The following ULK2 variants were observed in gnomAD, a reference collection of about 807,000 sequenced individuals.
The protein encoded by ULK2 is serine/threonine-protein kinase ULK2.
In ULK2, 76 loss-of-function variants were observed where a neutral mutation model predicts 127.5. The observed-to-expected ratio is 0.60, with a 90% CI of 0.50 to 0.72. ULK2 has a LOEUF of 0.72. Ranked by LOEUF, ULK2 falls within the 30% of genes least tolerant of loss-of-function variation. The probability of loss-of-function intolerance (pLI) is 0.00; values close to 1 mark genes in which losing one functional copy is unlikely to be tolerated. For synonymous variants in ULK2, 452 were observed against 461.9 expected (o/e 0.98, Z 0.28); for missense variants, 1,144 against 1,295.9 (o/e 0.88, Z 1.80).
intron 21 of ULK2, among the ~76,000 whole-genome samples, chr17:19,784,328 A>T (rs748303462): frequency 3.3e-4 from 50 of 152,124 alleles, no homozygotes; most frequent in Non-Finnish European, 5.0e-4. Context: ...AAATGCAGAC[A>T]GTTGTTCCTT....
rs1422001444 is a variant in ULK2 at position 19,774,468 on chromosome 17, G to A, written c.*1881C>T. 2 of 152,312 alleles carry A rather than the reference G, an allele frequency of 1.3e-5. No homozygotes were observed. Among genetic ancestry groups the A allele is most frequent in the African/African-American group, 4.8e-5 (2 of 41,580 alleles). The allele number at this position is 152,312 out of a possible 1,614,324, so 9.4% of individuals were successfully genotyped here. A position where few individuals can be genotyped will look rare whatever the true frequency, so the allele number is the denominator to read the frequency against. On this transcript the variant is annotated 3_prime_UTR_variant, in exon 27 of 27. Transcript: ENST00000395544. ...AAGAAATGGGAGAGGAAGAGGAGAG[G>A]ATAGAATAAACCTACAACTGAGATA...
intron 6 of ULK2, among the ~76,000 whole-genome samples, chr17:19,846,450 G>C (rs958042481): frequency 3.3e-5 from 5 of 152,022 alleles, no homozygotes; most frequent in Non-Finnish European, 7.4e-5. Flanking sequence ...GACCAGCCTG[G>C]CCAACATGGT....
At chr17:19,842,300 C>T (rs903114737) in intron 8 of ULK2, among the ~76,000 whole-genome samples, 9 of 148,058 alleles carry the variant, frequency 6.1e-5, no homozygotes, top group African/African-American at 7.5e-5. Context: ...CAGGTTCAAG[C>T]GATTCTCCTG....
Position 19,780,511 on chromosome 17 carries a change from C to T in ULK2, c.2877G>A (p.Val959=), listed in dbSNP as rs1271789279. The part of the protein sequence containing the change: ...KQRFIDEINS[V]TAEKLIYNCA... ...AATTATAGATGAGTTTCTCTGCAGT[C>T]ACACTGTTGATTTCATCAATAAACC... Residue 959 remains valine, a synonymous_variant, in exon 25 of 27, where the codon GTG becomes GTA. Transcript: ENST00000395544. 3.7e-6 allele frequency: 6 copies of T among 1,613,436 alleles called. No homozygotes were observed. Among genetic ancestry groups the T allele is most frequent in the Non-Finnish European group, 5.1e-6 (6 of 1,179,846 alleles).
At chr17:19,825,550 A>G (rs1332972828) in intron 11 of ULK2, among the ~76,000 whole-genome samples, 2 of 151,772 alleles carry the variant, frequency 1.3e-5, no homozygotes, top group African/African-American at 2.4e-5. Context: ...TCTCTACTAA[A>G]AATACAAAAA....
chr17:19,867,051 T>A (rs1019056889), intron 1 of ULK2, among the ~76,000 whole-genome samples: 1 of 152,166 alleles, frequency 6.6e-6, no homozygotes, highest in Non-Finnish European at 1.5e-5. Flanking sequence ...CAGGGTAACC[T>A]GGGTGCAAAC....
chr17:19,839,683 AAAG>A (rs1453906209), intron 9 of ULK2, among the ~76,000 whole-genome samples: 3 of 152,038 alleles, frequency 2.0e-5, no homozygotes, highest in South Asian at 4.1e-4. Flanking sequence ...AAAAGAAAGA[AAAG>A]AAAAGAAAAA....
In ULK2 at chr17:19,811,713, A is replaced by T. The variant is rs571568750; in HGVS notation, c.1097-1275T>A. Reference sequence around the variant, plus strand: ...CACCTCGGCCTCCCAAAGTGCTGAGATTACAGACATGAGCCACTGAACCTG... The same window carrying T: ...CACCTCGGCCTCCCAAAGTGCTGAGTTTACAGACATGAGCCACTGAACCTG... On this transcript the variant is annotated intron_variant, in intron 13 of 26. Transcript: ENST00000395544. 2.6e-5 allele frequency among the ~76,000 whole-genome samples: 4 copies of T among 152,296 alleles called. No individual in the cohort carries two copies. In the East Asian group the frequency reaches 7.7e-4, roughly 29 times the overall value.
chr17:19,841,894 T>C (rs2041766843), intron 8 of ULK2, among the ~76,000 whole-genome samples: 1 of 152,184 alleles, frequency 6.6e-6, no homozygotes, highest in Non-Finnish European at 1.5e-5. Context: ...GTACCTTTTC[T>C]GAGGTCAGAC....
At chr17:19,816,684 TA>T (rs1024091800) in intron 13 of ULK2, 64 bp downstream of exon 13, 61 of 1,409,206 alleles carry the variant, frequency 4.3e-5, no homozygotes, top group South Asian at 2.4e-4. Context: ...ATATATGGGT[TA>T]AAAAAAAGAT....
intron 12 of ULK2, among the ~76,000 whole-genome samples, chr17:19,818,222 T>G (rs1002929031): frequency 6.6e-6 from 1 of 151,308 alleles, no homozygotes; most frequent in Admixed American, 6.6e-5. Flanking sequence ...ACTCGGGGGG[T>G]TGAGGCAGGA....
intron 13 of ULK2, among the ~76,000 whole-genome samples, chr17:19,814,439 T>TGTATATATATACATATATACATATATA: frequency 1.0e-4 from 1 of 9,994 alleles, no homozygotes; most frequent in African/African-American, 2.1e-4. Context: ...TATATATATA[T>TGTATATATATACATATATACATATATA]TTTTTTTTTT....
In ULK2 at chr17:19,841,563, A is replaced by G; in HGVS notation, c.646-16T>C. 6.5e-7 allele frequency: 1 copy of G among 1,545,972 alleles called. No homozygotes were observed. The highest frequency in any genetic ancestry group is 8.7e-7 in the Non-Finnish European group (1 of 1,150,048). On this transcript the variant is annotated splice_polypyrimidine_tract_variant and intron_variant, in intron 8 of 26. Coordinates refer to ENST00000395544, the MANE Select transcript of ULK2 (RefSeq NM_014683.4). The stretch of plus-strand genomic sequence containing the variant: ...GACTATTGGCCTATTAAAAAAAAAA[A>G]GGTTTAATTTCCTAAACAATGGGGG...
At chr17:19,801,702 T>A in intron 16 of ULK2, 75 bp downstream of exon 16, 1 of 1,594,128 alleles carries the variant, frequency 6.3e-7, no homozygotes, top group African/African-American at 1.4e-5. Flanking sequence ...CCGAAGTTCC[T>A]AAAGAAAATG....
Position 19,776,483 on chromosome 17 carries a change from CA to C in ULK2, c.3053-77del, listed in dbSNP as rs59815866. ...TGTCATCTCTATTCTATCTTTGCCC[CA>C]AAGTTAACAGTTCTGAATATGTTTT... On this transcript the variant is annotated intron_variant, in intron 26 of 26. Coordinates refer to ENST00000395544, the MANE Select transcript of ULK2 (RefSeq NM_014683.4). 2.8e-3 allele frequency: 3,537 copies of C among 1,281,986 alleles called. 92 individuals carry two copies. In the African/African-American group the frequency reaches 0.049, roughly 18 times the overall value. The allele number at this position is 1,281,986 out of a possible 1,614,324, so 79.4% of individuals were successfully genotyped here. A position where few individuals can be genotyped will look rare whatever the true frequency, so the allele number is the denominator to read the frequency against.
intron 21 of ULK2, among the ~76,000 whole-genome samples, chr17:19,784,644 C>A (rs2086990759): frequency 6.7e-6 from 1 of 150,372 alleles, no homozygotes; most frequent in Admixed American, 6.7e-5. Flanking sequence ...TCACCTCAGC[C>A]TCACAAGTAG....
chr17:19,777,532 G>T, intron 26 of ULK2, 49 bp downstream of exon 26: 1 of 1,558,028 alleles, frequency 6.4e-7, no homozygotes, highest in South Asian at 1.2e-5. Context: ...GCTTGTGATA[G>T]ACAACTAAAA....
intron 12 of ULK2, among the ~76,000 whole-genome samples, chr17:19,818,797 C>CTTTTTTTTTTTTTTTTTT (rs71157835): frequency 1.3e-5 from 1 of 77,776 alleles, no homozygotes; most frequent in Non-Finnish European, 2.5e-5. Flanking sequence ...TTTCTTTTTT[C>CTTTTTTTTTTTTTTTTTT]TTTTTTTTTT....
Position 19,795,604 on chromosome 17 carries a change from A to C in ULK2, c.2101+18T>G. The stretch of plus-strand genomic sequence containing the variant: ...GCTAGCAAATTACCTGCCTAAAAAG[A>C]AACTACATTTTTCTTACCTATATCC... On this transcript the variant is annotated intron_variant, in intron 20 of 26. Coordinates refer to ENST00000395544, the MANE Select transcript of ULK2 (RefSeq NM_014683.4). 2 of 1,604,802 alleles carry C rather than the reference A, an allele frequency of 1.2e-6. No homozygotes were observed. Among genetic ancestry groups the C allele is most frequent in the East Asian group, 4.5e-5 (2 of 44,792 alleles).
Sources: gnomAD v4.1 joint callset for allele counts (sites outside exome capture counted in the v4.1 genomes callset) on GRCh38, gnomAD v4.1.1 for gene constraint, MANE v1.5 for transcripts, NCBI Gene and HGNC (gene_info 2026-07-23, HGNC 2026-07-21) for gene names.